The following IRAG2 variants were observed in gnomAD, a reference collection of about 807,000 sequenced individuals.
The protein encoded by IRAG2 is lymphoid restricted membrane protein.
IRAG2 carries 45 observed loss-of-function variants against 69.9 expected under a neutral mutation model. That is an observed-to-expected ratio of 0.64 (90% CI 0.51 to 0.83). The LOEUF (loss-of-function observed/expected upper bound fraction) is 0.83, where lower values mean the gene tolerates loss of function less well. IRAG2 is among the 40% of genes least tolerant of loss of function. The pLI is 0.00. For synonymous variants in IRAG2, 193 were observed against 202.4 expected (o/e 0.95, Z 0.40); for missense variants, 520 against 587.0 (o/e 0.89, Z 1.18).
At chr12:25,015,584 T>C (rs575386448) in intron 5 of IRAG2, among the ~76,000 whole-genome samples, 5 of 152,344 alleles carry the variant, frequency 3.3e-5, no homozygotes, top group African/African-American at 1.2e-4. Context: ...ATTCTAATAA[T>C]GCCTGCATTA....
At chr12:25,098,312 T>C (rs1948543922) in intron 15 of IRAG2, among the ~76,000 whole-genome samples, 1 of 152,190 alleles carries the variant, frequency 6.6e-6, no homozygotes, top group African/African-American at 2.4e-5. Flanking sequence ...TAAATATCAA[T>C]TTCCCACCCT....
At chr12:24,999,295 G>T in the IRAG2 span, among the ~76,000 whole-genome samples, 1 of 152,134 alleles carries the variant, frequency 6.6e-6, no homozygotes, top group Non-Finnish European at 1.5e-5. Context: ...ATAACTTTAG[G>T]TAAGAATCAA....
At chr12:25,100,000 G>GAAAAAAAAAAAAAAAAAAA (rs56728551) in intron 15 of IRAG2, among the ~76,000 whole-genome samples, 2 of 25,674 alleles carry the variant, frequency 7.8e-5, no homozygotes, top group South Asian at 1.7e-3. Context: ...GACTCCATCT[G>GAAAAAAAAAAAAAAAAAAA]AAAAAAAAAA....
intron 14 of IRAG2, among the ~76,000 whole-genome samples, chr12:25,091,642 G>A (rs1472644634): frequency 6.9e-6 from 1 of 144,780 alleles, no homozygotes; most frequent in African/African-American, 2.7e-5. Flanking sequence ...GGCTTGCTAG[G>A]TCATATAGTA....
At chr12:25,061,225 C>T (rs182261691) in intron 1 of IRAG2, among the ~76,000 whole-genome samples, 1 of 152,176 alleles carries the variant, frequency 6.6e-6, no homozygotes, top group African/African-American at 2.4e-5. Context: ...TTAAAGGAGA[C>T]AAGGTTAAAT....
At chr12:25,030,242 G>T in intron 9 of IRAG2, 1 of 1,217,860 alleles carries the variant, frequency 8.2e-7, no homozygotes, top group African/African-American at 1.6e-5. Context: ...CCAAAGCAAT[G>T]TCCCAACGGC....
intron 20 of IRAG2, 93 bp from the exon 21 acceptor site, chr12:25,106,850 C>T (rs1949189251): frequency 4.4e-6 from 2 of 458,628 alleles, no homozygotes; most frequent in Middle Eastern, 5.5e-4. Flanking sequence ...ATTTGTGAGC[C>T]TCTTGAGTTA....
chr12:25,087,130 G>A (rs184353273), intron 10 of IRAG2, among the ~76,000 whole-genome samples: 70 of 144,476 alleles, frequency 4.8e-4, no homozygotes, highest in Non-Finnish European at 1.0e-4. Context: ...TCAAGTCATG[G>A]TGTCATGGTG....
At chr12:25,008,301 T>C (rs1944448190) in intron 2 of IRAG2, among the ~76,000 whole-genome samples, 1 of 152,082 alleles carries the variant, frequency 6.6e-6, no homozygotes, top group Non-Finnish European at 1.5e-5. Flanking sequence ...ACCTACCAGT[T>C]TTGAAAATAC....
intron 6 of IRAG2, among the ~76,000 whole-genome samples, chr12:25,077,633 C>T (rs968687573): frequency 2.0e-5 from 3 of 151,836 alleles, no homozygotes; most frequent in Non-Finnish European, 4.4e-5. Flanking sequence ...TCTCTCCATG[C>T]TTGGCCTACG....
chr12:25,033,893 C>G (rs1429948459), exon 13 of IRAG2: 1 of 398,868 alleles, frequency 2.5e-6, no homozygotes, highest in African/African-American at 2.1e-5. Flanking sequence ...ACAGTATCAT[C>G]TCTGAAGGAG....
chr12:25,105,051 C>T (rs545944272), intron 20 of IRAG2, among the ~76,000 whole-genome samples: 50 of 142,414 alleles, frequency 3.5e-4, no homozygotes, highest in Non-Finnish European at 6.6e-4. Flanking sequence ...AGAAAAAGTG[C>T]CTAACCTTAC....
chr12:25,022,002 C>T (rs983000294), intron 7 of IRAG2, among the ~76,000 whole-genome samples: 7 of 152,174 alleles, frequency 4.6e-5, no homozygotes, highest in East Asian at 1.9e-4. Flanking sequence ...CAAGAGCCCA[C>T]GCTTGGGAGT....
At chr12:25,086,735 TA>T (rs1280970118) in intron 10 of IRAG2, among the ~76,000 whole-genome samples, 3 of 152,158 alleles carry the variant, frequency 2.0e-5, no homozygotes, top group African/African-American at 4.8e-5. Flanking sequence ...TAGATAATTT[TA>T]GATGCTATAG....
At chr12:25,095,520 T>C (rs1237945804) in intron 14 of IRAG2, among the ~76,000 whole-genome samples, 2 of 152,184 alleles carry the variant, frequency 1.3e-5, no homozygotes, top group African/African-American at 4.8e-5. Context: ...TATAATCCTT[T>C]TTATGTACTG....
intron 1 of IRAG2, among the ~76,000 whole-genome samples, chr12:25,059,605 C>T (rs113937581): frequency 0.12 from 18,907 of 152,164 alleles, 1,386 homozygotes; most frequent in African/African-American, 0.2. Flanking sequence ...CCATCTGCCT[C>T]GGTCTCCCAA....
At chr12:25,104,519 G>A in intron 20 of IRAG2, 57 bp downstream of exon 20, 1 of 935,920 alleles carries the variant, frequency 1.1e-6, no homozygotes, top group African/African-American at 1.6e-5. Context: ...TAAACAATGG[G>A]AATCACTTTT....
intron 10 of IRAG2, among the ~76,000 whole-genome samples, chr12:25,086,942 G>T (rs1235877399): frequency 6.6e-6 from 1 of 152,022 alleles, no homozygotes; most frequent in Non-Finnish European, 1.5e-5. Flanking sequence ...TCTATATGCG[G>T]TAAAAGCCTA....
At chr12:25,064,101 G>A (rs1201246766) in intron 4 of IRAG2, among the ~76,000 whole-genome samples, 2 of 152,072 alleles carry the variant, frequency 1.3e-5, no homozygotes, top group East Asian at 3.9e-4. Context: ...AGGAATTCGA[G>A]ACCAGCCCGG....
Sources: gnomAD v4.1 joint callset for allele counts (sites outside exome capture counted in the v4.1 genomes callset) on GRCh38, gnomAD v4.1.1 for gene constraint, MANE v1.5 for transcripts, NCBI Gene and HGNC (gene_info 2026-07-23, HGNC 2026-07-21) for gene names.